The following C10orf90 variants were observed in gnomAD, a reference collection of about 807,000 sequenced individuals.
C10orf90 encodes the protein (E2-independent) E3 ubiquitin-conjugating enzyme FATS.
Under a neutral mutation model 62.5 loss-of-function variants are expected in C10orf90, and 56 were observed. That is an observed-to-expected ratio of 0.90 (90% CI 0.72 to 1.12). C10orf90 has a LOEUF of 1.12. Ranked by LOEUF, C10orf90 falls within the 50% of genes most tolerant of loss-of-function variation. The pLI, the probability that C10orf90 is intolerant of heterozygous loss-of-function variation, is 0.00. For missense variants in C10orf90, 970 were observed against 880.4 expected (o/e 1.10, Z -1.29); for synonymous variants, 386 against 340.4 (o/e 1.13, Z -1.47).
intron 2 of C10orf90, among the ~76,000 whole-genome samples, chr10:126,541,076 C>T (rs1004778017): frequency 1.3e-4 from 19 of 151,612 alleles, no homozygotes; most frequent in Non-Finnish European, 2.2e-4. Context: ...ATCTAGAAGC[C>T]GTGAAAGATG....
intron 4 of C10orf90, among the ~76,000 whole-genome samples, chr10:126,487,142 C>CAAAAAAAAAAAAAAAAAAA (rs1158481155): frequency 1.4e-4 from 4 of 29,458 alleles, no homozygotes; most frequent in Non-Finnish European, 1.8e-4. Flanking sequence ...AAAACTCTGT[C>CAAAAAAAAAAAAAAAAAAA]AAAAAAAAAA....
At chr10:126,600,369 G>A (rs1330371126) in intron 2 of C10orf90, among the ~76,000 whole-genome samples, 4 of 152,188 alleles carry the variant, frequency 2.6e-5, no homozygotes, top group South Asian at 2.1e-4. Context: ...GTGGCCATTG[G>A]ATGAAAACAG....
At chr10:126,522,137 G>A (rs770698161) in intron 2 of C10orf90, among the ~76,000 whole-genome samples, 6 of 152,132 alleles carry the variant, frequency 3.9e-5, no homozygotes, top group East Asian at 1.9e-4. Context: ...GCATGATGGC[G>A]CATGCCTGTA....
intron 2 of C10orf90, among the ~76,000 whole-genome samples, chr10:126,617,598 C>T (rs1845566813): frequency 6.6e-6 from 1 of 152,218 alleles, no homozygotes; most frequent in Admixed American, 6.5e-5. Context: ...CAAGGTGCCC[C>T]TCAATTCATT....
At chr10:126,431,020 T>A (rs1292454958) in intron 7 of C10orf90, among the ~76,000 whole-genome samples, 2 of 152,164 alleles carry the variant, frequency 1.3e-5, no homozygotes, top group Non-Finnish European at 2.9e-5. Flanking sequence ...CCCTGTCTGG[T>A]TATTCAGACA....
chr10:126,596,888 G>A (rs1845098047), intron 2 of C10orf90, among the ~76,000 whole-genome samples: 1 of 152,010 alleles, frequency 6.6e-6, no homozygotes, highest in Non-Finnish European at 1.5e-5. Flanking sequence ...TGAGAAATGA[G>A]GTAAAGATTT....
chr10:126,525,072 T>C (rs1863895052), intron 2 of C10orf90, among the ~76,000 whole-genome samples: 1 of 152,170 alleles, frequency 6.6e-6, no homozygotes, highest in Admixed American at 6.5e-5. Context: ...CCACCCCAGC[T>C]TCCCCCTAAG....
At position 126,456,185 on chromosome 10, in the gene C10orf90, G is replaced by A. The variant is rs1234853517; in HGVS notation, c.2188+2855C>T. ...AGCAGACAGGCTGAAGACAAGATGT[G>A]TACTGCAGACTTGTTTAATAGGGCC... is the stretch of plus-strand genomic sequence containing the variant. On this transcript the variant is annotated intron_variant, in intron 7 of 9. Coordinates refer to ENST00000488181, the MANE Select transcript of C10orf90 (RefSeq NM_001350921.2). The surrounding 1 kb of genome is among the most constrained non-coding windows in gnomAD (Gnocchi z 4.9). Among the ~76,000 whole-genome samples, 5 of 152,386 alleles carry A rather than the reference G, an allele frequency of 3.3e-5. No homozygotes were observed. The highest frequency in any genetic ancestry group is 9.6e-5 in the African/African-American group (4 of 41,596).
chr10:126,586,900 G>C (rs1186921583), intron 2 of C10orf90, among the ~76,000 whole-genome samples: 1 of 152,160 alleles, frequency 6.6e-6, no homozygotes, highest in African/African-American at 2.4e-5. Context: ...AAAATAGTCC[G>C]AGATGATGGG....
chr10:126,521,092 C>T (rs1863717772), intron 2 of C10orf90, among the ~76,000 whole-genome samples: 1 of 152,152 alleles, frequency 6.6e-6, no homozygotes, highest in Admixed American at 6.5e-5. Flanking sequence ...CAGGCGCTAC[C>T]GTGCATCCTT....
intron 7 of C10orf90, among the ~76,000 whole-genome samples, chr10:126,437,202 T>C (rs1349626572): frequency 6.6e-6 from 1 of 152,242 alleles, no homozygotes; most frequent in African/African-American, 2.4e-5. Flanking sequence ...TGAGTACTGA[T>C]GGAACCAGTG....
At chr10:126,521,296 T>C (rs759224665) in intron 2 of C10orf90, 5 of 1,613,932 alleles carry the variant, frequency 3.1e-6, no homozygotes, top group Middle Eastern at 1.7e-4. Flanking sequence ...AATTAGAACA[T>C]ACCTTCTCCA....
chr10:126,666,235 T>A (rs1333392762), intron 1 of C10orf90, among the ~76,000 whole-genome samples: 2 of 152,124 alleles, frequency 1.3e-5, no homozygotes, highest in Non-Finnish European at 2.9e-5. Context: ...CCCAAGGTTG[T>A]CACAACCAAA....
intron 2 of C10orf90, among the ~76,000 whole-genome samples, chr10:126,564,658 C>A (rs1172735564): frequency 6.8e-6 from 1 of 147,684 alleles, no homozygotes; most frequent in African/African-American, 2.5e-5. Flanking sequence ...TCCACAGCCA[C>A]CCAGACACAC....
At chr10:126,490,008 A>ATAT (rs1371266678) in intron 4 of C10orf90, among the ~76,000 whole-genome samples, 1 of 80,380 alleles carries the variant, frequency 1.2e-5, no homozygotes, top group Non-Finnish European at 2.2e-5. Flanking sequence ...TATATATTAT[A>ATAT]TATATTATAT....
intron 4 of C10orf90, among the ~76,000 whole-genome samples, chr10:126,490,996 A>C (rs1485253511): frequency 6.6e-6 from 1 of 152,222 alleles, no homozygotes; most frequent in Non-Finnish European, 1.5e-5. Flanking sequence ...GTTCCCATAC[A>C]GAAATGATAT....
intron 2 of C10orf90, among the ~76,000 whole-genome samples, chr10:126,559,064 A>G (rs1262267073): frequency 6.6e-6 from 1 of 152,242 alleles, no homozygotes; most frequent in Non-Finnish European, 1.5e-5. Context: ...GTAGTAATTT[A>G]TAGGGAACAT....
intron 2 of C10orf90, among the ~76,000 whole-genome samples, chr10:126,546,540 GA>G (rs1864495819): frequency 6.6e-6 from 1 of 152,150 alleles, no homozygotes; most frequent in Non-Finnish European, 1.5e-5. Flanking sequence ...TAGTTCAGGG[GA>G]AGCCACGTGG....
intron 4 of C10orf90, among the ~76,000 whole-genome samples, chr10:126,481,083 C>A (rs1012427709): frequency 3.9e-5 from 6 of 152,204 alleles, no homozygotes; most frequent in African/African-American, 7.2e-5. Context: ...ATGTCAGAGG[C>A]TTTTTGCCAG....
Sources: allele counts gnomAD v4.1 joint callset (sites outside exome capture counted in the v4.1 genomes callset), GRCh38; gene constraint gnomAD v4.1.1; non-coding constraint Gnocchi (gnomAD v3.1); transcripts MANE v1.5; gene names NCBI Gene and HGNC (gene_info 2026-07-23, HGNC 2026-07-21).